Variants in HDAC4 observed in about 807,000 individuals in gnomAD.
HDAC4 encodes histone deacetylase A.
HDAC4 carries 16 observed loss-of-function variants against 135.1 expected under a neutral mutation model. That is an observed-to-expected ratio of 0.12 (90% CI 0.08 to 0.18). The LOEUF is 0.18. Among genes scored for constraint, HDAC4 ranks in the 10% least tolerant of loss-of-function variants. The pLI is 1.00. For synonymous variants in HDAC4, 685 were observed against 653.4 expected (o/e 1.05, Z -0.74); for missense variants, 1,143 against 1,511.8 (o/e 0.76, Z 4.05).
chr2:239,228,599 T>A (rs1444827030), intron 3 of HDAC4, among the ~76,000 whole-genome samples: 1 of 151,938 alleles, frequency 6.6e-6, no homozygotes, highest in Non-Finnish European at 1.5e-5. Context: ...GCAAACAGCA[T>A]CAGAGAAAAA....
At chr2:239,277,116 G>A (rs1249266182) in intron 2 of HDAC4, among the ~76,000 whole-genome samples, 1 of 152,230 alleles carries the variant, frequency 6.6e-6, no homozygotes. Flanking sequence ...AGCAGGGACG[G>A]GGTCCTGCTC....
chr2:239,108,261 T>G (rs1575055731), intron 14 of HDAC4, 78 bp from the exon 15 acceptor site: 1 of 1,525,614 alleles, frequency 6.6e-7, no homozygotes, highest in Non-Finnish European at 8.9e-7. Flanking sequence ...TGCCCCCGGG[T>G]GGTGGCGGAA....
In HDAC4 at chr2:239,299,864, G is replaced by A. The variant is rs1457701437; in HGVS notation, c.22+52814C>T. Among the ~76,000 whole-genome samples, 2 of 152,208 alleles carry A rather than the reference G, an allele frequency of 1.3e-5. No individual in the cohort carries two copies. Among genetic ancestry groups the A allele is most frequent in the Non-Finnish European group, 2.9e-5 (2 of 68,042 alleles). ...AGCAACAGAGCGGAGAGCCTGCAGGGACGCAGCTGGGGACTAAGCAGATGG... is the reference window on the plus strand; with the variant it reads ...AGCAACAGAGCGGAGAGCCTGCAGGAACGCAGCTGGGGACTAAGCAGATGG... On this transcript the variant is annotated intron_variant, in intron 2 of 26. Transcript: ENST00000543185. The surrounding 1 kb of genome is among the most constrained non-coding windows in gnomAD (Gnocchi z 4.0).
At chr2:239,328,937 C>G (rs1400227052) in intron 2 of HDAC4, among the ~76,000 whole-genome samples, 2 of 152,264 alleles carry the variant, frequency 1.3e-5, no homozygotes, top group African/African-American at 4.8e-5. Flanking sequence ...AGAAATTAAT[C>G]AAGGGAGGAG....
chr2:239,075,170 G>C, intron 22 of HDAC4, among the ~76,000 whole-genome samples: 1 of 132,718 alleles, frequency 7.5e-6, no homozygotes, highest in East Asian at 2.5e-4. Context: ...CTTGCAGTGA[G>C]CCGAGATCGC....
Position 239,122,079 on chromosome 2 carries a change from G to A in HDAC4, c.1533+4377C>T, listed in dbSNP as rs574032177. Among the ~76,000 whole-genome samples, 96 of 152,284 alleles carry A rather than the reference G, an allele frequency of 6.3e-4. 1 individual carries two copies. The highest frequency in any genetic ancestry group is 8.4e-4 in the Non-Finnish European group (57 of 68,026). On this transcript the variant is annotated intron_variant, in intron 12 of 26. Transcript: ENST00000543185. ...TTTAAAAAGTCAGGCTGGAGTTCAC[G>A]GCCAAAACCGAACTGGTAAACTGCC...
At chr2:239,108,588 G>A (rs3791405) in intron 14 of HDAC4, among the ~76,000 whole-genome samples, 86,626 of 151,974 alleles carry the variant, frequency 0.57, 26,467 homozygotes, top group South Asian at 0.76. Context: ...AGAAGGAGGC[G>A]ACTCTAGCCC....
chr2:239,183,445 G>A (rs765303399), intron 4 of HDAC4, among the ~76,000 whole-genome samples: 5 of 152,352 alleles, frequency 3.3e-5, no homozygotes, highest in East Asian at 1.9e-4. Context: ...CGCCACGGAC[G>A]GTAAGCTGCC....
chr2:239,225,098 A>C (rs572896610), intron 3 of HDAC4, among the ~76,000 whole-genome samples: 2 of 152,386 alleles, frequency 1.3e-5, no homozygotes, highest in Admixed American at 1.3e-4. Context: ...GGGAAACAAA[A>C]AACACTTCTA....
intron 5 of HDAC4, 92 bp downstream of exon 5, chr2:239,176,300 TCTGCCCGGCCTTCTGCGCCCG>T: frequency 6.3e-6 from 7 of 1,108,610 alleles, no homozygotes; most frequent in Non-Finnish European, 8.1e-6. Context: ...CCTCCCTCCC[TCTGCCCGGCCTTCTGCGCCCG>T]CACTCCCTCC....
rs559915396 is a variant in HDAC4 at position 239,229,174 on chromosome 2, T to C, written c.94+7419A>G. 4.0e-3 allele frequency among the ~76,000 whole-genome samples: 606 copies of C among 152,158 alleles called. 7 individuals carry two copies. The highest frequency in any genetic ancestry group is 6.3e-3 in the Non-Finnish European group (427 of 67,982). The stretch of plus-strand genomic sequence containing the variant: ...CTCAAAAAATAAATAAAAATAAAAA[T>C]AAAATGAATAAAGTAATGGGGCCAA... On this transcript the variant is annotated intron_variant, in intron 3 of 26. Coordinates refer to ENST00000543185, the MANE Select transcript of HDAC4 (RefSeq NM_001378414.1).
At chr2:239,340,875 T>C (rs1029408537) in intron 2 of HDAC4, among the ~76,000 whole-genome samples, 10 of 152,118 alleles carry the variant, frequency 6.6e-5, no homozygotes, top group African/African-American at 2.2e-4. Context: ...ACTGAAGATC[T>C]GGCCCCCTCT....
In HDAC4 at chr2:239,377,628, C is replaced by T. The variant is rs756920027; in HGVS notation, c.-220+23350G>A. On this transcript the variant is annotated intron_variant, in intron 1 of 26. Transcript: ENST00000543185. ...CCACCAACCTGGAGCAGCCGAGGTGCGGGCAGGAGGCCCCAGGGCCACAGT... is the reference window on the plus strand; with the variant it reads ...CCACCAACCTGGAGCAGCCGAGGTGTGGGCAGGAGGCCCCAGGGCCACAGT... Among the ~76,000 whole-genome samples, 6 of 152,326 alleles carry T rather than the reference C, an allele frequency of 3.9e-5. No individual in the cohort carries two copies. The South Asian group carries it at 6.2e-4, about 16-fold the overall frequency.
intron 16 of HDAC4, among the ~76,000 whole-genome samples, chr2:239,098,336 G>A (rs2037304696): frequency 6.6e-6 from 1 of 152,228 alleles, no homozygotes; most frequent in South Asian, 2.1e-4. Context: ...GTTTGCCGCG[G>A]GCTGGCAGAC....
intron 13 of HDAC4, among the ~76,000 whole-genome samples, chr2:239,112,272 C>A (rs1029769793): frequency 2.0e-5 from 3 of 152,204 alleles, no homozygotes; most frequent in African/African-American, 7.2e-5. Flanking sequence ...CGAAGCCCAA[C>A]CCCCTTGTTG....
chr2:239,378,185 C>T (rs1329945419), intron 1 of HDAC4, among the ~76,000 whole-genome samples: 1 of 152,020 alleles, frequency 6.6e-6, no homozygotes, highest in Non-Finnish European at 1.5e-5. Context: ...GACCCTGAGG[C>T]GTCTGTCGAA....
rs770607128 is a variant in HDAC4, at chr2:239,215,678, C to A, written c.94+20915G>T. ...CTCTCTCTAATCTCCAGACAGCAGACACCCCTTCCCCACTAACCAAAACAG... is the reference window on the plus strand; with the variant it reads ...CTCTCTCTAATCTCCAGACAGCAGAAACCCCTTCCCCACTAACCAAAACAG... On this transcript the variant is annotated intron_variant, in intron 3 of 26. Transcript: ENST00000543185. Among the ~76,000 whole-genome samples, 16 of 152,284 alleles carry A rather than the reference C, an allele frequency of 1.1e-4. No homozygotes were observed. In the South Asian group the frequency reaches 1.9e-3, roughly 18 times the overall value.
intron 15 of HDAC4, among the ~76,000 whole-genome samples, chr2:239,106,177 G>A (rs961366074): frequency 2.0e-5 from 3 of 152,224 alleles, no homozygotes; most frequent in Admixed American, 1.3e-4. Flanking sequence ...CAGAGGAGCC[G>A]AGGGCGGGCG....
chr2:239,238,192 C>G (rs1052175477), intron 2 of HDAC4, among the ~76,000 whole-genome samples: 1 of 151,932 alleles, frequency 6.6e-6, no homozygotes, highest in African/African-American at 2.4e-5. Context: ...ACTTTTCAAG[C>G]CTTTTTTTCC....
Sources: gnomAD v4.1 joint callset for allele counts (sites outside exome capture counted in the v4.1 genomes callset) on GRCh38, gnomAD v4.1.1 for gene constraint, Gnocchi (gnomAD v3.1) non-coding constraint, MANE v1.5 for transcripts, NCBI Gene and HGNC (gene_info 2026-07-23, HGNC 2026-07-21) for gene names.